The following IRS1 variants were observed in gnomAD, a reference collection of about 807,000 sequenced individuals.
IRS1 encodes the protein insulin receptor substrate 1.
In IRS1, 34 loss-of-function variants were observed where a neutral mutation model predicts 65.6. The ratio of observed to expected loss-of-function variants is 0.52; its 90% CI spans 0.39 to 0.69. The LOEUF is 0.69. Ranked by LOEUF, IRS1 falls within the 30% of genes least tolerant of loss-of-function variation. IRS1 has a pLI of 0.00. For synonymous variants in IRS1, 699 were observed against 683.5 expected (o/e 1.02, Z -0.35); for missense variants, 1,641 against 1,720.2 (o/e 0.95, Z 0.81).
At chr2:226,775,025 A>C (rs1939241178) in intron 1 of IRS1, among the ~76,000 whole-genome samples, 1 of 152,218 alleles carries the variant, frequency 6.6e-6, no homozygotes, top group Non-Finnish European at 1.5e-5. Flanking sequence ...AAATACAAGT[A>C]ATTAAGCATT....
chr2:226,797,157 C>A lies in IRS1; in HGVS notation c.1582G>T (p.Ala528Ser), dbSNP rs750524416. The change falls in exon 1 of 2, where the codon GCA becomes TCA. Residue 528 changes from alanine (A) to serine (S), a missense_variant. Ala to Ser is a moderately conservative substitution (Grantham distance 99). Coordinates refer to ENST00000305123, the MANE Select transcript of IRS1 (RefSeq NM_005544.3). The surrounding 1 kb of genome is among the most constrained non-coding windows in gnomAD (Gnocchi z 8.1). ...TGGGTAATGGTAGGGGATGTGCCTG[C>A]CGAGTGAGTTCTCTTTCGGAACCGA... ...DNRFRKRTHSAGTSPTITHQK... is the reference protein window; with the variant it reads ...DNRFRKRTHSSGTSPTITHQK... 1 of 1,613,928 alleles carries A rather than the reference C, an allele frequency of 6.2e-7. No individual in the cohort carries two copies.
chr2:226,771,163 T>C (rs1458262494), intron 1 of IRS1, among the ~76,000 whole-genome samples: 2 of 152,170 alleles, frequency 1.3e-5, no homozygotes, highest in East Asian at 3.8e-4. Context: ...GAGGGAGTGG[T>C]ATATGTAAAT....
intron 1 of IRS1, among the ~76,000 whole-genome samples, chr2:226,737,199 T>A (rs181738386): frequency 3.3e-5 from 5 of 150,906 alleles, no homozygotes; most frequent in Admixed American, 2.6e-4. Context: ...GCTGTTTGGT[T>A]TTTTGTTCTT....
At chr2:226,784,872 C>G (rs1939458913) in intron 1 of IRS1, among the ~76,000 whole-genome samples, 1 of 152,204 alleles carries the variant, frequency 6.6e-6, no homozygotes, top group South Asian at 2.1e-4. Context: ...AGAGAAGCTC[C>G]TCTTTGCTTC....
chr2:226,782,944 G>A (rs750327958), intron 1 of IRS1, among the ~76,000 whole-genome samples: 2 of 152,158 alleles, frequency 1.3e-5, no homozygotes, highest in Non-Finnish European at 1.5e-5. Context: ...AGGCTGCAGC[G>A]AGCCAAGATC....
chr2:226,783,034 T>C (rs1305614740), intron 1 of IRS1, among the ~76,000 whole-genome samples: 1 of 152,150 alleles, frequency 6.6e-6, no homozygotes, highest in Non-Finnish European at 1.5e-5. Context: ...TCCTCTAACC[T>C]AGTTCATAGT....
At chr2:226,766,150 TA>T (rs1559152035) in intron 1 of IRS1, among the ~76,000 whole-genome samples, 16 of 10,092 alleles carry the variant, frequency 1.6e-3, no homozygotes, top group South Asian at 4.5e-3. Flanking sequence ...TATATATATA[TA>T]TATATATATA....
chr2:226,795,664 G>T lies in IRS1; in HGVS notation c.3075C>A (p.Ser1025Arg). 1 of 1,613,016 alleles carries T rather than the reference G, an allele frequency of 6.2e-7. No homozygotes were observed. Among genetic ancestry groups the T allele is most frequent in the Non-Finnish European group, 8.5e-7 (1 of 1,179,976 alleles). Residue 1025 changes from serine to arginine, a missense_variant, in exon 1 of 2, where the codon AGC becomes AGA. Physicochemically the swap from Ser to Arg is moderately radical, Grantham distance 110. Coordinates refer to ENST00000305123, the MANE Select transcript of IRS1 (RefSeq NM_005544.3). ...MRTGIAAEEV[S>R]LPRATMAAAS... is the part of the protein sequence containing the mutation. ...CAGCAGCCATGGTGGCCCTGGGCAGGCTCACCTCCTCTGCAGCAATGCCTG... is the reference window on the plus strand; with the variant it reads ...CAGCAGCCATGGTGGCCCTGGGCAGTCTCACCTCCTCTGCAGCAATGCCTG...
At chr2:226,758,857 C>CT (rs1307613682) in intron 1 of IRS1, among the ~76,000 whole-genome samples, 124 of 152,274 alleles carry the variant, frequency 8.1e-4, no homozygotes, top group African/African-American at 2.8e-3. Context: ...CTAAAATATC[C>CT]AAGGAAGTGA....
intron 1 of IRS1, among the ~76,000 whole-genome samples, chr2:226,738,459 C>T (rs1210484114): frequency 6.6e-6 from 1 of 152,132 alleles, no homozygotes; most frequent in Non-Finnish European, 1.5e-5. Context: ...TTAACTCTGC[C>T]TCTAAAAGAC....
At chr2:226,779,800 G>T (rs1939345853) in intron 1 of IRS1, among the ~76,000 whole-genome samples, 1 of 152,106 alleles carries the variant, frequency 6.6e-6, no homozygotes, top group Admixed American at 6.5e-5. Flanking sequence ...CCATTACTTT[G>T]GTCATTACAC....
At chr2:226,740,966 C>A (rs972558731) in intron 1 of IRS1, among the ~76,000 whole-genome samples, 1 of 151,854 alleles carries the variant, frequency 6.6e-6, no homozygotes, top group Non-Finnish European at 1.5e-5. Flanking sequence ...CAGCATATTT[C>A]TCTTTCAGTT....
chr2:226,799,498 G>C lies in IRS1; in HGVS notation c.-760C>G. ...CGATACCGGGCAGCCACTGCAGCTG[G>C]GGACCGGCCGGAGGGACAGACTCAT... On this transcript the variant is annotated 5_prime_UTR_variant, in exon 1 of 2. Coordinates refer to ENST00000305123, the MANE Select transcript of IRS1 (RefSeq NM_005544.3). This position sits in a 1 kb window ranked among gnomAD's most constrained non-coding sequence, Gnocchi z 6.1. 8.7e-7 allele frequency: 1 copy of C among 1,143,034 alleles called. No individual in the cohort carries two copies. Among genetic ancestry groups the C allele is most frequent in the African/African-American group, 1.7e-5 (1 of 58,924 alleles). The allele number at this position is 1,143,034 out of a possible 1,614,324, so 70.8% of individuals were successfully genotyped here.
chr2:226,781,172 A>G (rs985012845), intron 1 of IRS1, among the ~76,000 whole-genome samples: 1 of 152,182 alleles, frequency 6.6e-6, no homozygotes, highest in Admixed American at 6.5e-5. Flanking sequence ...AGCTAATAAA[A>G]GATTTGGGCA....
At chr2:226,752,666 C>T (rs987918518) in intron 1 of IRS1, among the ~76,000 whole-genome samples, 12 of 152,364 alleles carry the variant, frequency 7.9e-5, no homozygotes, top group African/African-American at 2.9e-4. Context: ...GTGTAATTCA[C>T]AGAGTTGTTT....
intron 1 of IRS1, among the ~76,000 whole-genome samples, chr2:226,760,956 C>G (rs1257368874): frequency 6.6e-6 from 1 of 152,188 alleles, no homozygotes; most frequent in South Asian, 2.1e-4. Flanking sequence ...TAAGGTCAAT[C>G]TTGTGAAAGT....
chr2:226,795,072 T>C lies in IRS1; in HGVS notation c.3667A>G (p.Ser1223Gly). Reference protein sequence around the residue: ...SGESSSTRRSSEDLSAYASIS... With the variant: ...SGESSSTRRSGEDLSAYASIS... ...CTGGCATAGGCGCTTAAATCCTCAC[T>C]TGAGCGGCGGGTGGAGCTGCTCTCA... The change falls in exon 1 of 2, where the codon AGT (serine) becomes GGT (glycine). Residue 1223 changes from serine to glycine, a missense_variant. Around this residue, in one of 3 missense-constraint regions of IRS1, gnomAD observed 1,324 missense variants for 1,361.0 expected, o/e 0.97. Transcript: ENST00000305123. 1 of 1,559,996 alleles carries C rather than the reference T, an allele frequency of 6.4e-7. No homozygotes were observed. The highest frequency in any genetic ancestry group is 8.7e-7 in the Non-Finnish European group (1 of 1,154,188).
intron 1 of IRS1, among the ~76,000 whole-genome samples, chr2:226,754,661 A>G (rs1938760122): frequency 6.6e-6 from 1 of 152,230 alleles, no homozygotes; most frequent in Non-Finnish European, 1.5e-5. Context: ...TTTCATCTAA[A>G]TAGAGTCCAC....
At position 226,798,151 on chromosome 2, in the gene IRS1, C is replaced by T. The variant is rs751070681; in HGVS notation, c.588G>A (p.Lys196=). Residue 196 remains lysine (K), a synonymous_variant, in exon 1 of 2, where the codon AAG becomes AAA. Transcript: ENST00000305123. The surrounding 1 kb of genome is among the most constrained non-coding windows in gnomAD (Gnocchi z 9.4). ...CLTSKTISFV[K]LNSEAAAVVL... Reference sequence around the variant, plus strand: ...CCACGGCCGCTGCCTCCGAGTTCAGCTTCACGAAGCTGATGGTCTTGCTGG... The same window carrying T: ...CCACGGCCGCTGCCTCCGAGTTCAGTTTCACGAAGCTGATGGTCTTGCTGG... 1.2e-6 allele frequency: 2 copies of T among 1,613,928 alleles called. No homozygotes were observed. The highest frequency in any genetic ancestry group is 1.7e-6 in the Non-Finnish European group (2 of 1,180,044).
Sources: gnomAD v4.1 joint callset for allele counts (sites outside exome capture counted in the v4.1 genomes callset) on GRCh38, gnomAD v4.1.1 for gene constraint, gnomAD v4.1.1 regional missense constraint, Gnocchi (gnomAD v3.1) non-coding constraint, MANE v1.5 for transcripts, NCBI Gene and HGNC (gene_info 2026-07-23, HGNC 2026-07-21) for gene names.